GRM7: variants seen among roughly 807,000 people sequenced by gnomAD.
GRM7 encodes metabotropic glutamate receptor 7.
A neutral mutation model predicts 84.5 loss-of-function variants in GRM7; 35 were observed. The observed-to-expected ratio is 0.41, with a 90% CI of 0.32 to 0.55. The LOEUF (loss-of-function observed/expected upper bound fraction) is 0.55. GRM7 is among the 20% of genes least tolerant of loss of function. GRM7 has a pLI of 0.19. For synonymous variants in GRM7, 487 were observed against 455.1 expected (o/e 1.07, Z -0.89); for missense variants, 1,003 against 1,194.6 (o/e 0.84, Z 2.36).
chr3:7,174,231 G>C (rs761232431), intron 2 of GRM7, among the ~76,000 whole-genome samples: 11 of 152,160 alleles, frequency 7.2e-5, no homozygotes, highest in Non-Finnish European at 1.6e-4. Flanking sequence ...TTTGAATACA[G>C]ATTAGAAGAT....
intron 1 of GRM7, among the ~76,000 whole-genome samples, chr3:6,896,820 C>A (rs1696199995): frequency 6.6e-6 from 1 of 152,122 alleles, no homozygotes; most frequent in Non-Finnish European, 1.5e-5. Flanking sequence ...TTCTTAGTCC[C>A]ATTGTTGACT....
intron 1 of GRM7, among the ~76,000 whole-genome samples, chr3:7,109,366 C>G (rs1692764610): frequency 6.6e-6 from 1 of 152,120 alleles, no homozygotes; most frequent in African/African-American, 2.4e-5. Context: ...TTCTATAAGA[C>G]TATAGCTTTT....
intron 9 of GRM7, among the ~76,000 whole-genome samples, chr3:7,739,332 T>C (rs1240984412): frequency 6.6e-6 from 1 of 152,194 alleles, no homozygotes; most frequent in Non-Finnish European, 1.5e-5. Flanking sequence ...TGTATATGAA[T>C]CCCTGCTTAA....
chr3:7,523,988 C>G (rs1012477285), intron 7 of GRM7, among the ~76,000 whole-genome samples: 1 of 152,018 alleles, frequency 6.6e-6, no homozygotes, highest in Non-Finnish European at 1.5e-5. Context: ...TCAAAAAGCC[C>G]CTCTTCTATC....
chr3:7,312,543 T>A (rs958958129), intron 4 of GRM7, among the ~76,000 whole-genome samples: 1 of 152,168 alleles, frequency 6.6e-6, no homozygotes, highest in Admixed American at 6.6e-5. Flanking sequence ...TCCAGTTACC[T>A]CAAGGAGACT....
At chr3:7,122,284 C>G (rs779099268) in intron 1 of GRM7, among the ~76,000 whole-genome samples, 1 of 151,940 alleles carries the variant, frequency 6.6e-6, no homozygotes, top group Non-Finnish European at 1.5e-5. Flanking sequence ...TGCATTTTGC[C>G]CCAAACCTAT....
chr3:7,406,421 A>AC (rs1695680578), intron 4 of GRM7, among the ~76,000 whole-genome samples: 6 of 151,964 alleles, frequency 3.9e-5, no homozygotes, highest in Admixed American at 3.9e-4. Flanking sequence ...AATGGCGTGA[A>AC]CCCGGGGGAC....
At chr3:7,575,976 A>G (rs2171005) in intron 7 of GRM7, among the ~76,000 whole-genome samples, 48,053 of 152,156 alleles carry the variant, frequency 0.32, 8,002 homozygotes, top group African/African-American at 0.42. Context: ...ATTTGTTTAT[A>G]TATTTGTATG....
chr3:7,671,006 T>C (rs1433096267), intron 8 of GRM7, among the ~76,000 whole-genome samples: 1 of 152,132 alleles, frequency 6.6e-6, no homozygotes, highest in Non-Finnish European at 1.5e-5. Context: ...TTTTTAGTGC[T>C]CTCAAACCAG....
intron 7 of GRM7, among the ~76,000 whole-genome samples, chr3:7,501,811 A>C (rs570219757): frequency 6.6e-6 from 1 of 152,202 alleles, no homozygotes; most frequent in Non-Finnish European, 1.5e-5. Context: ...TGTGCAATGC[A>C]ATGGAAATAA....
rs533440016 is a variant in GRM7, at chr3:7,053,720, CTA to C, written c.520-92728_520-92727del. Among the ~76,000 whole-genome samples, 20 of 151,474 alleles carry C rather than the reference CTA, an allele frequency of 1.3e-4. No individual in the cohort carries two copies. The East Asian group carries it at 2.7e-3, about 21-fold the overall frequency. On this transcript the variant is annotated intron_variant, in intron 1 of 9. Transcript: ENST00000357716. ...CTACCATCTGTCTTGTTCCTTTGAT[CTA>C]TATGTCTGTTTCTACAAGAATATCA... is the stretch of plus-strand genomic sequence containing the variant.
intron 7 of GRM7, among the ~76,000 whole-genome samples, chr3:7,513,143 G>T (rs1476242047): frequency 6.6e-6 from 1 of 152,138 alleles, no homozygotes; most frequent in Non-Finnish European, 1.5e-5. Context: ...AGAGAAAACA[G>T]ATTCCCTATA....
intron 8 of GRM7, among the ~76,000 whole-genome samples, chr3:7,665,320 C>T (rs994749880): frequency 2.8e-4 from 42 of 151,728 alleles, no homozygotes; most frequent in Admixed American, 1.7e-3. Flanking sequence ...TACAGGTGCC[C>T]GCCACCGCAC....
chr3:7,701,085 C>A (rs11929010), intron 9 of GRM7, among the ~76,000 whole-genome samples: 4 of 152,242 alleles, frequency 2.6e-5, no homozygotes, highest in African/African-American at 7.2e-5. Flanking sequence ...TTGGAGACTG[C>A]CGATATATGA....
intron 4 of GRM7, among the ~76,000 whole-genome samples, chr3:7,326,930 C>G (rs56059317): frequency 6.6e-6 from 1 of 152,162 alleles, no homozygotes; most frequent in African/African-American, 2.4e-5. Flanking sequence ...CCTCACTACA[C>G]TTATCAAAAT....
intron 5 of GRM7, among the ~76,000 whole-genome samples, chr3:7,433,544 C>T (rs896357802): frequency 3.9e-5 from 6 of 152,150 alleles, no homozygotes; most frequent in African/African-American, 9.6e-5. Context: ...CCTGTCATAT[C>T]GCCTTACTTT....
chr3:7,695,705 C>T (rs73023746), intron 9 of GRM7, among the ~76,000 whole-genome samples: 1,568 of 152,216 alleles, frequency 0.01, 14 homozygotes, highest in Admixed American at 0.014. Flanking sequence ...CATCAGTTTT[C>T]TCATCTGTAA....
At chr3:7,227,754 C>G (rs1350445267) in intron 2 of GRM7, among the ~76,000 whole-genome samples, 1 of 152,110 alleles carries the variant, frequency 6.6e-6, no homozygotes, top group East Asian at 1.9e-4. Flanking sequence ...TCTCTAGAAC[C>G]AAACTGTGAG....
At chr3:7,364,402 C>G (rs1219166716) in intron 4 of GRM7, among the ~76,000 whole-genome samples, 1 of 151,634 alleles carries the variant, frequency 6.6e-6, no homozygotes, top group Non-Finnish European at 1.5e-5. Context: ...ATAAGCAGTG[C>G]CTATCTGGAT....
Sources: gnomAD v4.1 joint callset for allele counts (sites outside exome capture counted in the v4.1 genomes callset) on GRCh38, gnomAD v4.1.1 for gene constraint, MANE v1.5 for transcripts, NCBI Gene and HGNC (gene_info 2026-07-23, HGNC 2026-07-21) for gene names.